Variants in RBMS3 observed in about 807,000 individuals in gnomAD.
RBMS3 encodes the protein RNA binding motif single stranded interacting protein 3.
In RBMS3, 27 loss-of-function variants were observed where a neutral mutation model predicts 66.8. That is an observed-to-expected ratio of 0.40 (90% CI 0.30 to 0.56). The LOEUF (loss-of-function observed/expected upper bound fraction) is 0.56. Ranked by LOEUF, RBMS3 falls within the 20% of genes least tolerant of loss-of-function variation. RBMS3 has a pLI of 0.40. For synonymous variants in RBMS3, 188 were observed against 183.0 expected (o/e 1.03, Z -0.22); for missense variants, 513 against 549.5 (o/e 0.93, Z 0.66).
At chr3:29,996,511 C>T (rs10440134) in intron 14 of RBMS3, among the ~76,000 whole-genome samples, 5 of 148,870 alleles carry the variant, frequency 3.4e-5, no homozygotes, top group Non-Finnish European at 7.5e-5. Context: ...TGACCACATA[C>T]TTGGAAGTAA....
At chr3:29,692,955 T>C (rs753794897) in intron 4 of RBMS3, among the ~76,000 whole-genome samples, 9 of 152,200 alleles carry the variant, frequency 5.9e-5, no homozygotes, top group Non-Finnish European at 1.0e-4. Context: ...ATATGACCAC[T>C]GTGCTAAATA....
At chr3:29,834,455 G>T (rs1322678257) in intron 6 of RBMS3, among the ~76,000 whole-genome samples, 1 of 151,888 alleles carries the variant, frequency 6.6e-6, no homozygotes, top group Non-Finnish European at 1.5e-5. Flanking sequence ...TTAAAATGGG[G>T]TGGGCAGCAG....
intron 12 of RBMS3, among the ~76,000 whole-genome samples, chr3:29,971,446 T>C (rs1697221582): frequency 6.6e-6 from 1 of 152,138 alleles, no homozygotes; most frequent in African/African-American, 2.4e-5. Context: ...ATGTTAGGTA[T>C]AGGGGAATTT....
At chr3:29,988,609 T>C (rs1468496522) in intron 13 of RBMS3, among the ~76,000 whole-genome samples, 1 of 152,174 alleles carries the variant, frequency 6.6e-6, no homozygotes, top group East Asian at 1.9e-4. Context: ...GCATCATTGG[T>C]ATCCCTTGAG....
chr3:29,446,752 G>T (rs1452926277), intron 2 of RBMS3, among the ~76,000 whole-genome samples: 1 of 152,064 alleles, frequency 6.6e-6, no homozygotes, highest in Non-Finnish European at 1.5e-5. Context: ...TAGTCAACAT[G>T]TGTCTATCAG....
At chr3:29,579,521 G>A (rs1261148342) in intron 3 of RBMS3, among the ~76,000 whole-genome samples, 3 of 152,146 alleles carry the variant, frequency 2.0e-5, no homozygotes, top group Non-Finnish European at 4.4e-5. Context: ...CCTAAATTGG[G>A]GCTGGGGTTT....
At chr3:29,809,534 G>T (rs2057665746) in intron 6 of RBMS3, among the ~76,000 whole-genome samples, 1 of 151,830 alleles carries the variant, frequency 6.6e-6, no homozygotes. Flanking sequence ...CAATACTTCT[G>T]CCAATGCCAA....
intron 6 of RBMS3, among the ~76,000 whole-genome samples, chr3:29,846,148 C>T (rs2058770269): frequency 6.6e-6 from 1 of 151,560 alleles, no homozygotes; most frequent in African/African-American, 2.4e-5. Context: ...CTGATTTTTG[C>T]TTTGAAAGAT....
At chr3:29,991,524 T>TTCACATGGAAGTCTC (rs1172739900) in intron 14 of RBMS3, 1 of 257,806 alleles carries the variant, frequency 3.9e-6, no homozygotes, top group Non-Finnish European at 7.4e-6. Flanking sequence ...AGCAGGCTAA[T>TTCACATGGAAGTCTC]TCACATGGAA....
rs1353789199 is a variant in RBMS3 at position 29,433,321 on chromosome 3, G to GA, written c.76-1421dup. ...AATAGCTAAAGACTCTTCATCTTCAGATGAGAACCCAGCCCAAAGTTTCCC... is the reference window on the plus strand; with the variant it reads ...AATAGCTAAAGACTCTTCATCTTCAGAATGAGAACCCAGCCCAAAGTTTCCC... On this transcript the variant is annotated intron_variant, in intron 1 of 14. Coordinates refer to ENST00000383767, the MANE Select transcript of RBMS3 (RefSeq NM_001003793.3). Among the ~76,000 whole-genome samples the GA allele has an allele frequency of 2.0e-5, 3 of 152,074 alleles. No individual in the cohort carries two copies. The East Asian group carries it at 5.8e-4, about 29-fold the overall frequency.
chr3:29,861,743 A>G lies in RBMS3; in HGVS notation c.638-7115A>G, dbSNP rs149059244. Among the ~76,000 whole-genome samples the G allele has an allele frequency of 2.5e-3, 375 of 152,338 alleles. 2 individuals carry two copies. The highest frequency in any genetic ancestry group is 8.1e-3 in the African/African-American group (337 of 41,592). On this transcript the variant is annotated intron_variant, in intron 6 of 14. Transcript: ENST00000383767. Reference sequence around the variant, plus strand: ...AGCCATCTGATCATTATATCAGTTTATGCATTGTATGTTGCATGTTTAATA... The same window carrying G: ...AGCCATCTGATCATTATATCAGTTTGTGCATTGTATGTTGCATGTTTAATA...
chr3:29,394,173 C>G (rs909121711), intron 1 of RBMS3, among the ~76,000 whole-genome samples: 5 of 152,112 alleles, frequency 3.3e-5, no homozygotes, highest in Admixed American at 1.3e-4. Flanking sequence ...TAGAGACTGC[C>G]CCCTGGGAAT....
chr3:29,515,380 G>T (rs1213120713), intron 3 of RBMS3, among the ~76,000 whole-genome samples: 2 of 152,150 alleles, frequency 1.3e-5, no homozygotes, highest in African/African-American at 2.4e-5. Context: ...TATGGTGAAG[G>T]GTCTTGCATC....
In RBMS3 at chr3:29,445,940, A is replaced by G. The variant is rs2125748810; in HGVS notation, c.248+11025A>G. On this transcript the variant is annotated intron_variant, in intron 2 of 14. Transcript: ENST00000383767. ...TAAGCCAACATTATTGAGGAGTAAA[A>G]TTAAGTGCACTCATCATAAGCATAG... 3.9e-5 allele frequency among the ~76,000 whole-genome samples: 6 copies of G among 152,244 alleles called. No individual in the cohort carries two copies. In the South Asian group the frequency reaches 1.2e-3, roughly 32 times the overall value.
At chr3:30,003,828 G>T in intron 14 of RBMS3, 28 bp from the exon 15 acceptor site, 1 of 1,397,182 alleles carries the variant, frequency 7.2e-7, no homozygotes, top group South Asian at 1.9e-5. Flanking sequence ...TTAATTTAAT[G>T]ACCACTCTTA....
chr3:29,678,876 A>C (rs1303085024), intron 4 of RBMS3, among the ~76,000 whole-genome samples: 1 of 152,168 alleles, frequency 6.6e-6, no homozygotes, highest in Non-Finnish European at 1.5e-5. Flanking sequence ...AGTAGGAGCT[A>C]CTAGCCACTG....
intron 4 of RBMS3, among the ~76,000 whole-genome samples, chr3:29,642,284 G>C (rs963177170): frequency 1.3e-5 from 2 of 151,906 alleles, no homozygotes; most frequent in Non-Finnish European, 2.9e-5. Flanking sequence ...TTACACCCAG[G>C]TTTCTCAGCT....
At chr3:29,701,903 G>T (rs920030127) in intron 4 of RBMS3, among the ~76,000 whole-genome samples, 2 of 152,114 alleles carry the variant, frequency 1.3e-5, no homozygotes, top group Non-Finnish European at 2.9e-5. Context: ...CCCATCGACC[G>T]CCCAAAGGCT....
chr3:29,482,394 C>CTAA (rs2043157483), intron 2 of RBMS3, among the ~76,000 whole-genome samples: 1 of 152,132 alleles, frequency 6.6e-6, no homozygotes, highest in Non-Finnish European at 1.5e-5. Context: ...ACATCTATTT[C>CTAA]TAATTAAAGA....
Sources: allele counts gnomAD v4.1 joint callset (sites outside exome capture counted in the v4.1 genomes callset), GRCh38; gene constraint gnomAD v4.1.1; transcripts MANE v1.5; gene names NCBI Gene and HGNC (gene_info 2026-07-23, HGNC 2026-07-21).